NUP98: variants seen among roughly 807,000 people sequenced by gnomAD.
NUP98 encodes the protein nucleoporin 98 and 96 precursor.
In NUP98, 26 loss-of-function variants were observed where a neutral mutation model predicts 191.9. That is an observed-to-expected ratio of 0.14 (90% CI 0.10 to 0.19). The LOEUF (loss-of-function observed/expected upper bound fraction) is 0.19. Ranked by LOEUF, NUP98 falls within the 10% of genes least tolerant of loss-of-function variation. The pLI, the probability that NUP98 is intolerant of heterozygous loss-of-function variation, is 1.00. For missense variants in NUP98, 1,941 were observed against 2,178.8 expected, an observed-to-expected ratio of 0.89 and a Z score of 2.17; for synonymous variants, 808 against 778.4, an observed-to-expected ratio of 1.04 and a Z score of -0.63.
chr11:3,782,076 T>C lies in NUP98; in HGVS notation c.42A>G (p.Thr14=). 1 of 1,613,226 alleles carries C rather than the reference T, an allele frequency of 6.2e-7. No individual in the cohort carries two copies. Reference sequence around the variant, plus strand: ...ATGTTGAAGTTGTGCCAAAGCCACCTGTGCCACCCCCAAAGGGTGTTCCAA... The same window carrying C: ...ATGTTGAAGTTGTGCCAAAGCCACCCGTGCCACCCCCAAAGGGTGTTCCAA... ...KSFGTPFGGG[T]GGFGTTSTFG... Residue 14 remains threonine, a synonymous_variant, in exon 2 of 33, where the codon ACA becomes ACG. Coordinates refer to ENST00000324932, the MANE Select transcript of NUP98 (RefSeq NM_016320.5).
At chr11:3,731,317 T>C in intron 14 of NUP98, 74 bp downstream of exon 14, 1 of 999,520 alleles carries the variant, frequency 1.0e-6, no homozygotes, top group Non-Finnish European at 1.4e-6. Context: ...TATATTTAAA[T>C]AATTGTATAT....
At chr11:3,782,855 G>T (rs899862762) in intron 1 of NUP98, among the ~76,000 whole-genome samples, 1 of 152,146 alleles carries the variant, frequency 6.6e-6, no homozygotes, top group African/African-American at 2.4e-5. Flanking sequence ...ACCGCACCCG[G>T]CCAAGGCTTT....
intron 1 of NUP98, among the ~76,000 whole-genome samples, chr11:3,788,909 T>G (rs2082238469): frequency 6.6e-6 from 1 of 152,094 alleles, no homozygotes; most frequent in Non-Finnish European, 1.5e-5. Flanking sequence ...ATCGTGCCAC[T>G]GCACTCCAGC....
rs571556123 is a variant in NUP98 at position 3,746,666 on chromosome 11, A to C, written c.1268-2017T>G. ...GGTGGCTCACGCCTGTAATCCTAGC[A>C]CTGTGGGAAGCCGAGGAGGGCAGAT... is the stretch of plus-strand genomic sequence containing the variant. On this transcript the variant is annotated intron_variant, in intron 11 of 32. Transcript: ENST00000324932. Among the ~76,000 whole-genome samples the C allele has an allele frequency of 4.1e-3, 624 of 151,926 alleles. 12 individuals are homozygous for C. Among genetic ancestry groups the C allele is most frequent in the African/African-American group, 0.014 (587 of 41,248 alleles).
Position 3,679,579 on chromosome 11 carries a change from A to G in NUP98, c.5048T>C (p.Ile1683Thr), listed in dbSNP as rs138664271. The change falls in exon 31 of 33, where the codon ATT (isoleucine) becomes ACT (threonine). Residue 1683 changes from isoleucine (I) to threonine (T), a missense_variant. By Grantham distance (89) the Ile-to-Thr change is moderately conservative (BLOSUM62 -1). This residue lies in a region of NUP98 where 1,030 missense variants were observed against 1,115.8 expected (regional missense o/e 0.92). Transcript: ENST00000324932. ...CTGCTGTATATGGCGGAGCATTTCA[A>G]TGACTCTAATATAGTCCAGGTAAAC... is the stretch of plus-strand genomic sequence containing the variant. ...GLVYLDYIRV[I>T]EMLRHIQQVD... is the part of the protein sequence containing the mutation. 2.0e-4 allele frequency: 328 copies of G among 1,614,052 alleles called. No individual in the cohort carries two copies. Among genetic ancestry groups the G allele is most frequent in the Middle Eastern group, 3.3e-4 (2 of 6,084 alleles).
At chr11:3,766,660 G>A (rs2081348835) in intron 8 of NUP98, among the ~76,000 whole-genome samples, 1 of 139,884 alleles carries the variant, frequency 7.1e-6, no homozygotes, top group South Asian at 2.2e-4. Context: ...TTACACTCCA[G>A]CCTGGGCGAC....
intron 19 of NUP98, 52 bp downstream of exon 19, chr11:3,713,766 T>C (rs2079090353): frequency 6.5e-7 from 1 of 1,535,992 alleles, no homozygotes; most frequent in Non-Finnish European, 8.9e-7. Context: ...ATAAACGTTA[T>C]GTGACTCCAA....
chr11:3,739,149 AAAAACCAGTC>A (rs750882593), intron 12 of NUP98, among the ~76,000 whole-genome samples: 79 of 152,370 alleles, frequency 5.2e-4, no homozygotes, highest in Non-Finnish European at 1.0e-3. Flanking sequence ...ATGGATTATT[AAAAACCAGTC>A]AAAAAGCTAT....
chr11:3,784,706 A>G (rs1002561149), intron 1 of NUP98, among the ~76,000 whole-genome samples: 8 of 152,164 alleles, frequency 5.3e-5, no homozygotes, highest in African/African-American at 1.7e-4. Flanking sequence ...GCAAGGTACA[A>G]TGGTGCCACT....
chr11:3,722,042 T>C (rs7941740), intron 16 of NUP98, among the ~76,000 whole-genome samples: 2,819 of 150,200 alleles, frequency 0.019, 97 homozygotes, highest in African/African-American at 0.065. Flanking sequence ...TAAAAAGATA[T>C]ATAGTAGCAT....
At chr11:3,688,442 A>C (rs571562903) in intron 28 of NUP98, among the ~76,000 whole-genome samples, 12 of 151,232 alleles carry the variant, frequency 7.9e-5, no homozygotes, top group Non-Finnish European at 1.2e-4. Flanking sequence ...ATAAATAAAA[A>C]CCAGTAAATT....
At chr11:3,707,300 T>C (rs1166877364) in intron 20 of NUP98, among the ~76,000 whole-genome samples, 1 of 152,166 alleles carries the variant, frequency 6.6e-6, no homozygotes, top group Non-Finnish European at 1.5e-5. Flanking sequence ...TAAGCAGTTT[T>C]AAAGACAACT....
At chr11:3,676,768 C>G in intron 31 of NUP98, 148 bp from the exon 32 acceptor site, 1 of 767,034 alleles carries the variant, frequency 1.3e-6, no homozygotes, top group South Asian at 1.4e-5. Context: ...CCACCACCAT[C>G]TAGTGGAGGA....
At chr11:3,734,131 G>T (rs1258041586) in intron 13 of NUP98, among the ~76,000 whole-genome samples, 1 of 151,802 alleles carries the variant, frequency 6.6e-6, no homozygotes, top group African/African-American at 2.4e-5. Flanking sequence ...TGCCTCCCAG[G>T]TACAAGCAAT....
At chr11:3,713,123 A>C (rs1458986868) in intron 19 of NUP98, among the ~76,000 whole-genome samples, 1 of 152,204 alleles carries the variant, frequency 6.6e-6, no homozygotes, top group Admixed American at 6.6e-5. Context: ...ATTGGATTAA[A>C]CTATTACGGA....
intron 23 of NUP98, among the ~76,000 whole-genome samples, chr11:3,701,842 C>G (rs947346339): frequency 6.6e-6 from 1 of 151,910 alleles, no homozygotes; most frequent in African/African-American, 2.4e-5. Flanking sequence ...CCTGCCACAA[C>G]GCCCAGCTAA....
At chr11:3,710,458 A>G (rs1273745706) in intron 20 of NUP98, among the ~76,000 whole-genome samples, 1 of 152,182 alleles carries the variant, frequency 6.6e-6, no homozygotes, top group Non-Finnish European at 1.5e-5. Context: ...GACTGACGAT[A>G]TTATATAAAA....
chr11:3,751,880 T>C (rs1191236878), intron 11 of NUP98, among the ~76,000 whole-genome samples: 1 of 151,630 alleles, frequency 6.6e-6, no homozygotes, highest in African/African-American at 2.4e-5. Context: ...CCTTTTATCT[T>C]AAAAAGAAGA....
chr11:3,755,172 A>T (rs1456080886), intron 10 of NUP98, among the ~76,000 whole-genome samples: 6 of 152,074 alleles, frequency 3.9e-5, no homozygotes, highest in African/African-American at 9.7e-5. Flanking sequence ...AAAGTCATAA[A>T]GCACTGGGCA....
Sources: gnomAD v4.1 joint callset for allele counts (sites outside exome capture counted in the v4.1 genomes callset) on GRCh38, gnomAD v4.1.1 for gene constraint, gnomAD v4.1.1 regional missense constraint, MANE v1.5 for transcripts, NCBI Gene and HGNC (gene_info 2026-07-23, HGNC 2026-07-21) for gene names.